FBXO9: variants seen among roughly 807,000 people sequenced by gnomAD.
FBXO9 encodes the protein F-box only protein 9.
FBXO9 carries 43 observed loss-of-function variants against 63.7 expected under a neutral mutation model. The ratio of observed to expected loss-of-function variants is 0.67; its 90% CI spans 0.53 to 0.87. The LOEUF is 0.87. Ranked by LOEUF, FBXO9 falls within the 40% of genes least tolerant of loss-of-function variation. The pLI, the probability that FBXO9 is intolerant of heterozygous loss-of-function variation, is 0.00. For missense variants in FBXO9, 442 were observed against 533.2 expected (o/e 0.83, Z 1.68); for synonymous variants, 156 against 171.7 (o/e 0.91, Z 0.72).
intron 2 of FBXO9, 34 bp downstream of exon 2, chr6:53,071,177 T>C: frequency 6.5e-7 from 1 of 1,537,520 alleles, no homozygotes; most frequent in Admixed American, 2.0e-5. Flanking sequence ...TGATTTTTAT[T>C]CCATTGTTCC....
At chr6:53,070,029 T>C (rs1458160284) in intron 1 of FBXO9, among the ~76,000 whole-genome samples, 1 of 141,792 alleles carries the variant, frequency 7.1e-6, no homozygotes, top group East Asian at 1.9e-4. Context: ...TTTTTTTTTT[T>C]TTTTTTTTTT....
chr6:53,083,026 T>G (rs1769364168), intron 7 of FBXO9, among the ~76,000 whole-genome samples: 1 of 152,130 alleles, frequency 6.6e-6, no homozygotes, highest in Non-Finnish European at 1.5e-5. Flanking sequence ...ATTTTGAAAA[T>G]TTTGCTATGT....
At chr6:53,066,680 C>G (rs1478237512) in intron 1 of FBXO9, among the ~76,000 whole-genome samples, 4 of 152,166 alleles carry the variant, frequency 2.6e-5, no homozygotes, top group African/African-American at 9.7e-5. Flanking sequence ...AGAAGTAGTT[C>G]TCTGACCGGG....
intron 7 of FBXO9, 95 bp downstream of exon 7, chr6:53,082,713 G>A (rs1769355148): frequency 1.2e-6 from 1 of 841,928 alleles, no homozygotes; most frequent in Middle Eastern, 2.6e-4. Context: ...CTTGATTGGT[G>A]TTCTGAGTTA....
chr6:53,066,243 C>A, intron 1 of FBXO9: 2 of 722,800 alleles, frequency 2.8e-6, no homozygotes, highest in Non-Finnish European at 3.4e-6. Flanking sequence ...GGCCCACCGA[C>A]AGTCCCTGCC....
chr6:53,081,163 T>C (rs1581818105), intron 6 of FBXO9, 65 bp downstream of exon 6: 1 of 1,504,236 alleles, frequency 6.6e-7, no homozygotes, highest in East Asian at 2.3e-5. Flanking sequence ...TCCAAATTTA[T>C]AAGGTCAGAT....
intron 12 of FBXO9, 23 bp from the exon 13 acceptor site, chr6:53,097,699 A>G: frequency 6.9e-7 from 1 of 1,445,082 alleles, no homozygotes; most frequent in East Asian, 2.4e-5. Flanking sequence ...TCATACTAGT[A>G]ATTTTGTGCT....
intron 2 of FBXO9, among the ~76,000 whole-genome samples, chr6:53,072,448 T>G (rs1768955246): frequency 6.6e-6 from 1 of 152,162 alleles, no homozygotes; most frequent in African/African-American, 2.4e-5. Context: ...AATGGACTGC[T>G]TAGCCATCCT....
intron 3 of FBXO9, among the ~76,000 whole-genome samples, chr6:53,075,684 CTG>C (rs1205022473): frequency 6.8e-6 from 1 of 146,876 alleles, no homozygotes; most frequent in African/African-American, 2.5e-5. Context: ...TATTCTCTCT[CTG>C]AAATATCTGT....
At chr6:53,088,982 C>T (rs1185156294) in intron 7 of FBXO9, among the ~76,000 whole-genome samples, 24 of 149,874 alleles carry the variant, frequency 1.6e-4, no homozygotes, top group Non-Finnish European at 3.4e-4. Flanking sequence ...AGTGCAGTGG[C>T]GCAATCTCGG....
chr6:53,075,283 C>T (rs192312294), intron 3 of FBXO9, among the ~76,000 whole-genome samples: 123 of 151,118 alleles, frequency 8.1e-4, no homozygotes, highest in African/African-American at 2.8e-3. Flanking sequence ...TTACAGGCCC[C>T]GTCAGTAACG....
intron 6 of FBXO9, among the ~76,000 whole-genome samples, chr6:53,081,633 G>T (rs1292146808): frequency 6.6e-6 from 1 of 152,204 alleles, no homozygotes; most frequent in Non-Finnish European, 1.5e-5. Flanking sequence ...GTTTAAGGAT[G>T]CCATACCTTT....
chr6:53,086,722 G>T (rs971497465), intron 7 of FBXO9, among the ~76,000 whole-genome samples: 4 of 152,166 alleles, frequency 2.6e-5, no homozygotes, highest in African/African-American at 4.8e-5. Context: ...AAAGCCAAGA[G>T]TACAGAATCA....
intron 11 of FBXO9, 97 bp from the exon 12 acceptor site, chr6:53,095,415 AT>A: frequency 8.6e-7 from 1 of 1,167,222 alleles, no homozygotes; most frequent in Non-Finnish European, 1.2e-6. Flanking sequence ...CTGCATGCAA[AT>A]ATTATGTTAC....
chr6:53,067,140 AG>A (rs1768733504), intron 1 of FBXO9, among the ~76,000 whole-genome samples: 1 of 152,216 alleles, frequency 6.6e-6, no homozygotes, highest in Non-Finnish European at 1.5e-5. Context: ...GTACAATACT[AG>A]ATCTTCAATA....
At position 53,093,463 on chromosome 6, in the gene FBXO9, T is replaced by C. The variant is rs776215958; in HGVS notation, c.864-3T>C. On this transcript the variant is annotated splice_polypyrimidine_tract_variant and splice_region_variant and intron_variant, in intron 9 of 12. Coordinates refer to ENST00000323557, the MANE Select transcript of FBXO9 (RefSeq NM_033480.3). ...TTTTGGTCTTCCTTTTCTTATTACATAGGTACATAAGATTCTTTCCTGATG... is the reference window on the plus strand; with the variant it reads ...TTTTGGTCTTCCTTTTCTTATTACACAGGTACATAAGATTCTTTCCTGATG... 1.2e-6 allele frequency: 2 copies of C among 1,606,220 alleles called. No homozygotes were observed. The highest frequency in any genetic ancestry group is 1.7e-6 in the Non-Finnish European group (2 of 1,173,122).
At chr6:53,094,088 T>G (rs1763133759) in intron 11 of FBXO9, 110 bp downstream of exon 11, 1 of 502,410 alleles carries the variant, frequency 2.0e-6, no homozygotes, top group Admixed American at 4.0e-5. Context: ...ATTTATACTG[T>G]TATATAAAAT....
intron 10 of FBXO9, 97 bp from the exon 11 acceptor site, chr6:53,093,788 T>A (rs1763119337): frequency 9.7e-7 from 1 of 1,027,022 alleles, no homozygotes; most frequent in Admixed American, 2.7e-5. Flanking sequence ...CTGATTCTTT[T>A]CAAGCAAGAG....
chr6:53,093,590 A>G, intron 10 of FBXO9, 29 bp downstream of exon 10: 1 of 1,513,418 alleles, frequency 6.6e-7, no homozygotes, highest in Non-Finnish European at 9.2e-7. Context: ...ATGGCTTTCC[A>G]TCCAGTCTAT....
Sources: gnomAD v4.1 joint callset for allele counts (sites outside exome capture counted in the v4.1 genomes callset) on GRCh38, gnomAD v4.1.1 for gene constraint, MANE v1.5 for transcripts, NCBI Gene and HGNC (gene_info 2026-07-23, HGNC 2026-07-21) for gene names.